Variants in MYO1E observed in about 807,000 individuals in gnomAD.
The protein encoded by MYO1E is unconventional myosin-Ie.
MYO1E carries 68 observed loss-of-function variants against 151.1 expected under a neutral mutation model. The observed-to-expected ratio is 0.45, with a 90% confidence interval of 0.37 to 0.55. MYO1E has a LOEUF of 0.55. Ranked by LOEUF, MYO1E falls within the 20% of genes least tolerant of loss-of-function variation. MYO1E has a pLI of 0.00. For missense variants in MYO1E, 1,363 were observed against 1,389.3 expected, an observed-to-expected ratio of 0.98 and a Z score of 0.30; for synonymous variants, 601 against 501.7, an observed-to-expected ratio of 1.20 and a Z score of -2.64.
intron 16 of MYO1E, 40 bp from the exon 17 acceptor site, chr15:59,195,607 C>T (rs1209098389): frequency 2.0e-6 from 3 of 1,533,136 alleles, no homozygotes; most frequent in South Asian, 2.2e-5. Flanking sequence ...GGAACTTTCT[C>T]TAAAGAAGAC....
At chr15:59,339,405 T>C (rs187159705) in intron 1 of MYO1E, among the ~76,000 whole-genome samples, 5 of 152,344 alleles carry the variant, frequency 3.3e-5, no homozygotes, top group Admixed American at 2.0e-4. Flanking sequence ...GCTTGGTTAT[T>C]TGACGTACAA....
chr15:59,197,261 G>A (rs1179636956), intron 16 of MYO1E, among the ~76,000 whole-genome samples: 5 of 152,114 alleles, frequency 3.3e-5, no homozygotes, highest in African/African-American at 9.7e-5. Flanking sequence ...TCAAAGTGCT[G>A]GGATTACAGG....
At chr15:59,152,392 G>T (rs925379718) in intron 26 of MYO1E, among the ~76,000 whole-genome samples, 2 of 152,198 alleles carry the variant, frequency 1.3e-5, no homozygotes, top group East Asian at 3.8e-4. Context: ...AGTGGAAAAT[G>T]GAAGTGGGCT....
rs71977305 is a variant in MYO1E at position 59,196,986 on chromosome 15, C to CTTTTTTTTTTTTTT, written c.1699-1433_1699-1420dup. ...ATTTTAGTTTTGTATTTAATTACGA[C>CTTTTTTTTTTTTTT]TTTTTTTTTTTTTTTTTTTTTTTTG... On this transcript the variant is annotated intron_variant, in intron 16 of 27. Transcript: ENST00000288235. Among the ~76,000 whole-genome samples, 54 of 71,510 alleles carry CTTTTTTTTTTTTTT rather than the reference C, an allele frequency of 7.6e-4. 10 individuals are homozygous for CTTTTTTTTTTTTTT. The highest frequency in any genetic ancestry group is 1.2e-3 in the Non-Finnish European group (47 of 40,624). The allele number at this position is 71,510 out of a possible 152,430, so 46.9% of individuals were successfully genotyped here.
At chr15:59,218,296 T>C (rs2079932662) in intron 9 of MYO1E, 3 of 687,716 alleles carry the variant, frequency 4.4e-6, no homozygotes, top group East Asian at 2.8e-5. Context: ...AATTGTTTTA[T>C]GACATGAGTC....
chr15:59,344,572 G>A (rs1016615428), intron 1 of MYO1E, among the ~76,000 whole-genome samples: 5 of 152,202 alleles, frequency 3.3e-5, no homozygotes, highest in Non-Finnish European at 7.3e-5. Context: ...AGCCAGCTAG[G>A]CTTGTGTCCT....
intron 1 of MYO1E, among the ~76,000 whole-genome samples, chr15:59,295,812 A>C (rs1178221903): frequency 6.6e-6 from 1 of 152,186 alleles, no homozygotes; most frequent in Non-Finnish European, 1.5e-5. Flanking sequence ...ACTGATGTGC[A>C]AATTTCCGGT....
At chr15:59,218,137 C>T in intron 9 of MYO1E, 50 bp from the exon 10 acceptor site, 2 of 1,599,856 alleles carry the variant, frequency 1.3e-6, no homozygotes, top group Non-Finnish European at 1.7e-6. Flanking sequence ...TGTGACACTT[C>T]CAAGTCATCT....
intron 26 of MYO1E, among the ~76,000 whole-genome samples, chr15:59,149,052 G>GTTTTTTTTTT (rs570700878): frequency 7.8e-6 from 1 of 128,234 alleles, no homozygotes; most frequent in Non-Finnish European, 1.6e-5. Flanking sequence ...TTTTTTTTTT[G>GTTTTTTTTTT]TTTTTTTTTT....
chr15:59,142,547 A>G lies in MYO1E; in HGVS notation c.3081-4180T>C, dbSNP rs566270734. On this transcript the variant is annotated intron_variant, in intron 26 of 27. Coordinates refer to ENST00000288235, the MANE Select transcript of MYO1E (RefSeq NM_004998.4). ...CCTTGCCAGTTGTTTCCTTTCTAGG[A>G]CACTTGGCCCTCATGCTAGCTCAGC... Among the ~76,000 whole-genome samples, 166 of 152,216 alleles carry G rather than the reference A, an allele frequency of 1.1e-3. 1 individual carries two copies. Among genetic ancestry groups the G allele is most frequent in the African/African-American group, 2.9e-3 (122 of 41,516 alleles).
chr15:59,162,135 C>G (rs2079541227), intron 23 of MYO1E, among the ~76,000 whole-genome samples: 1 of 152,080 alleles, frequency 6.6e-6, no homozygotes, highest in Admixed American at 6.5e-5. Flanking sequence ...CTCCTGGGCT[C>G]AAGTATCCTC....
At chr15:59,225,687 C>T (rs1186929937) in intron 7 of MYO1E, among the ~76,000 whole-genome samples, 2 of 149,710 alleles carry the variant, frequency 1.3e-5, no homozygotes, top group Admixed American at 6.7e-5. Flanking sequence ...CACTCTGTCG[C>T]CCAGGCTGGA....
At chr15:59,160,338 T>TGC (rs778514016) in intron 24 of MYO1E, among the ~76,000 whole-genome samples, 11 of 25,956 alleles carry the variant, frequency 4.2e-4, no homozygotes, top group South Asian at 3.6e-3. Flanking sequence ...AGGTAGTGCG[T>TGC]GTGTGTGTGT....
chr15:59,275,271 C>A (rs569521344), intron 1 of MYO1E, among the ~76,000 whole-genome samples: 31 of 152,286 alleles, frequency 2.0e-4, no homozygotes, highest in African/African-American at 6.7e-4. Flanking sequence ...AAAAGACATA[C>A]AATTTTTATT....
At chr15:59,309,879 C>T (rs1228808273) in intron 1 of MYO1E, among the ~76,000 whole-genome samples, 4 of 152,244 alleles carry the variant, frequency 2.6e-5, no homozygotes, top group South Asian at 4.2e-4. Context: ...TTATATACCC[C>T]ACCCACCACA....
intron 7 of MYO1E, 152 bp downstream of exon 7, chr15:59,227,307 G>A: frequency 1.1e-6 from 1 of 907,266 alleles, no homozygotes; most frequent in East Asian, 2.7e-5. Context: ...TTGAGGGCAG[G>A]ACATTCTCAC....
intron 1 of MYO1E, among the ~76,000 whole-genome samples, chr15:59,310,844 G>T (rs1419511017): frequency 2.0e-5 from 3 of 151,568 alleles, no homozygotes; most frequent in African/African-American, 7.3e-5. Flanking sequence ...TAAGAAGCTA[G>T]TGGTCTCAGA....
chr15:59,265,338 G>C (rs1164830466), intron 2 of MYO1E, among the ~76,000 whole-genome samples: 1 of 152,104 alleles, frequency 6.6e-6, no homozygotes, highest in African/African-American at 2.4e-5. Context: ...CAATCCCTTG[G>C]TTACTCAATA....
chr15:59,292,934 C>T (rs2080428408), intron 1 of MYO1E, among the ~76,000 whole-genome samples: 1 of 152,078 alleles, frequency 6.6e-6, no homozygotes, highest in East Asian at 1.9e-4. Context: ...AGGTGGCAGG[C>T]AAATGGGAGT....
Sources: gnomAD v4.1 joint callset for allele counts (sites outside exome capture counted in the v4.1 genomes callset) on GRCh38, gnomAD v4.1.1 for gene constraint, MANE v1.5 for transcripts, NCBI Gene and HGNC (gene_info 2026-07-23, HGNC 2026-07-21) for gene names.